The following SUN1 variants were observed in gnomAD, a reference collection of about 807,000 sequenced individuals.
SUN1 encodes SUN domain-containing protein 1.
In SUN1, 61 loss-of-function variants were observed where a neutral mutation model predicts 103.2. The ratio of observed to expected loss-of-function variants is 0.59; its 90% confidence interval spans 0.48 to 0.73. SUN1 has a LOEUF of 0.73. Among genes scored for constraint, SUN1 ranks in the 30% least tolerant of loss-of-function variants. The probability of loss-of-function intolerance (pLI) is 0.00; values close to 1 mark genes in which losing one functional copy is unlikely to be tolerated. For missense variants in SUN1, 1,052 were observed against 1,034.6 expected, an observed-to-expected ratio of 1.02 and a Z score of -0.23; for synonymous variants, 490 against 425.7, an observed-to-expected ratio of 1.15 and a Z score of -1.86.
At chr7:841,223 G>A (rs1021972657) in intron 2 of SUN1, among the ~76,000 whole-genome samples, 4 of 147,380 alleles carry the variant, frequency 2.7e-5, no homozygotes, top group Admixed American at 6.9e-5. Context: ...GTGAGCCGCC[G>A]TACCTGGCCT....
chr7:831,614 C>T (rs1798085055), upstream of SUN1, among the ~76,000 whole-genome samples: 1 of 152,206 alleles, frequency 6.6e-6, no homozygotes, highest in Non-Finnish European at 1.5e-5. Flanking sequence ...CTTGTCGATA[C>T]TTGTAGGTGT....
Position 872,527 on chromosome 7 carries a change from C to A in SUN1, c.2206C>A (p.Gln736Lys). The A allele has an allele frequency of 6.2e-7, 1 of 1,601,550 alleles. No homozygotes were observed. Among genetic ancestry groups the A allele is most frequent in the Non-Finnish European group, 8.5e-7 (1 of 1,173,870 alleles). The part of the protein sequence containing the change: ...GQLLGQFTYD[Q>K]DGESLQMFQA... ...GCTTCTGGGACAGTTCACGTATGAT[C>A]AGGATGGGGAGTCGCTCCAGATGTT... Residue 736 changes from glutamine (Q) to lysine (K), a missense_variant, in exon 18 of 19, where the codon CAG becomes AAG. Transcript: ENST00000401592.
chr7:815,688 G>C (rs1250139834), upstream of SUN1, among the ~76,000 whole-genome samples: 1 of 152,254 alleles, frequency 6.6e-6, no homozygotes, highest in Admixed American at 6.5e-5. Context: ...GCAGTCCCCA[G>C]CACGGAGAAG....
chr7:833,989 C>T (rs1433377593), intron 1 of SUN1, among the ~76,000 whole-genome samples: 1 of 152,214 alleles, frequency 6.6e-6, no homozygotes, highest in Non-Finnish European at 1.5e-5. Context: ...AGCCTTCCTT[C>T]AGTGAGACCT....
At chr7:845,939 G>A (rs747102236) in intron 5 of SUN1, among the ~76,000 whole-genome samples, 2 of 151,162 alleles carry the variant, frequency 1.3e-5, no homozygotes, top group African/African-American at 2.4e-5. Context: ...CAGCCTCCCC[G>A]GTGCTGCGTG....
intron 5 of SUN1, among the ~76,000 whole-genome samples, chr7:844,337 C>T (rs1002812511): frequency 6.6e-6 from 1 of 152,202 alleles, no homozygotes; most frequent in African/African-American, 2.4e-5. Context: ...TTCGAGCTCA[C>T]GTTCTGCTGT....
At chr7:863,639 C>A (rs573835930) in intron 15 of SUN1, among the ~76,000 whole-genome samples, 1 of 152,350 alleles carries the variant, frequency 6.6e-6, no homozygotes, top group Middle Eastern at 3.4e-3. Flanking sequence ...AACCCTGTGC[C>A]GCAAGTAGCC....
At chr7:872,601 C>G in intron 18 of SUN1, 39 bp downstream of exon 18, 1 of 1,505,582 alleles carries the variant, frequency 6.6e-7, no homozygotes, top group Non-Finnish European at 9.1e-7. Flanking sequence ...GTCTCTGAGT[C>G]CCACAACTTC....
intron 5 of SUN1, among the ~76,000 whole-genome samples, chr7:847,892 G>A (rs1221047342): frequency 2.1e-5 from 3 of 141,914 alleles, no homozygotes; most frequent in Non-Finnish European, 4.7e-5. Context: ...CCGCAGCGCC[G>A]TCTCCGGGAT....
intron 12 of SUN1, among the ~76,000 whole-genome samples, chr7:857,336 C>A (rs1218247985): frequency 4.6e-5 from 7 of 152,194 alleles, no homozygotes; most frequent in Non-Finnish European, 1.0e-4. Context: ...GTTGCTTTAA[C>A]GTGTTAATAT....
intron 11 of SUN1, among the ~76,000 whole-genome samples, chr7:855,230 AGAGCAGGGC>A (rs1180859162): frequency 6.6e-6 from 1 of 152,240 alleles, no homozygotes; most frequent in African/African-American, 2.4e-5. Context: ...TCGAGGGCAC[AGAGCAGGGC>A]TGCACACGCC....
chr7:857,014 A>C (rs9655181), intron 12 of SUN1, among the ~76,000 whole-genome samples: 118,038 of 152,114 alleles, frequency 0.78, 45,943 homozygotes, highest in Admixed American at 0.83. Flanking sequence ...CTCCTCACTC[A>C]GGGCGGCTTT....
chr7:856,337 A>G (rs761906297), intron 11 of SUN1, 21 bp from the exon 12 acceptor site: 1 of 1,612,256 alleles, frequency 6.2e-7, no homozygotes. Flanking sequence ...GTTTCAGTAG[A>G]CTATTTCTCA....
intron 11 of SUN1, among the ~76,000 whole-genome samples, chr7:855,783 C>T (rs1024964844): frequency 2.6e-5 from 4 of 151,934 alleles, no homozygotes; most frequent in Non-Finnish European, 5.9e-5. Flanking sequence ...GTCTGTGGGG[C>T]GCCTCCTCCT....
intron 14 of SUN1, among the ~76,000 whole-genome samples, 191 bp from the exon 15 acceptor site, chr7:861,189 A>G (rs879059242): frequency 1.3e-5 from 2 of 152,198 alleles, no homozygotes; most frequent in African/African-American, 4.8e-5. Context: ...TCCCATCTCC[A>G]TCTGATGGCC....
Position 847,012 on chromosome 7 carries a change from ATT to A in SUN1, c.658+3493_658+3494del, listed in dbSNP as rs1332055044. Among the ~76,000 whole-genome samples the A allele has an allele frequency of 1.1e-4, 17 of 152,370 alleles. No individual in the cohort carries two copies. The East Asian group carries it at 2.3e-3, about 21-fold the overall frequency. ...GAGCAAGAGCTTATCTCTAAAAAAA[ATT>A]AAAAATAAAAATAATAAATAGCAAA... On this transcript the variant is annotated intron_variant, in intron 5 of 18. Coordinates refer to ENST00000401592, the MANE Select transcript of SUN1 (RefSeq NM_001130965.3).
intron 6 of SUN1, 71 bp from the exon 7 acceptor site, chr7:851,879 G>T (rs1822541963): frequency 6.6e-7 from 1 of 1,523,106 alleles, no homozygotes; most frequent in African/African-American, 1.4e-5. Context: ...GGCCTTCACA[G>T]AAATGGTCCA....
At chr7:834,296 G>A (rs2128235540) in intron 1 of SUN1, among the ~76,000 whole-genome samples, 1 of 152,340 alleles carries the variant, frequency 6.6e-6, no homozygotes, top group African/African-American at 2.4e-5. Context: ...AAAGGTGGGG[G>A]GCTCTCTGAG....
At chr7:863,243 C>T (rs1471888261) in intron 15 of SUN1, among the ~76,000 whole-genome samples, 2 of 151,500 alleles carry the variant, frequency 1.3e-5, no homozygotes, top group African/African-American at 4.8e-5. Context: ...CTCGCCCTTG[C>T]TGCCCAGCAT....
Sources: gnomAD v4.1 joint callset for allele counts (sites outside exome capture counted in the v4.1 genomes callset) on GRCh38, gnomAD v4.1.1 for gene constraint, MANE v1.5 for transcripts, NCBI Gene and HGNC (gene_info 2026-07-23, HGNC 2026-07-21) for gene names.